Variants in DMD observed in about 807,000 individuals in gnomAD.
The protein encoded by DMD is dystrophin.
A neutral mutation model predicts 330.1 loss-of-function variants in DMD; 63 were observed. The observed-to-expected ratio is 0.19, with a 90% CI of 0.16 to 0.24. The LOEUF is 0.24. DMD is among the 10% of genes least tolerant of loss of function. DMD has a pLI of 1.00. For missense variants in DMD, 3,344 were observed against 2,684.1 expected, an observed-to-expected ratio of 1.25 and a Z score of -5.43; for synonymous variants, 1,223 against 959.8, an observed-to-expected ratio of 1.27 and a Z score of -5.07.
chrX:31,328,446 T>A (rs754264541), intron 61 of DMD, among the ~76,000 whole-genome samples: 2 of 111,119 alleles, frequency 1.8e-5, no homozygotes, highest in East Asian at 5.6e-4. Flanking sequence ...TTTGGGAACA[T>A]TCCTCTCACA....
At chrX:33,025,472 G>GAA (rs35908365) in intron 1 of DMD, among the ~76,000 whole-genome samples, 3,624 of 101,280 alleles carry the variant, frequency 0.036, 132 homozygotes, top group East Asian at 0.23. Context: ...AAAACTGGGG[G>GAA]AAAAAAAAAA....
intron 56 of DMD, among the ~76,000 whole-genome samples, chrX:31,499,489 C>CTTTTTTTTTT (rs774151183): frequency 1.2e-5 from 1 of 83,664 alleles, no homozygotes; most frequent in Non-Finnish European, 2.3e-5. Flanking sequence ...GAATTCAGTT[C>CTTTTTTTTTT]TTTTTTTTTT....
At chrX:32,408,101 T>C (rs113225073) in intron 30 of DMD, among the ~76,000 whole-genome samples, 16,856 of 110,187 alleles carry the variant, frequency 0.15, 1,122 homozygotes, top group African/African-American at 0.24. Context: ...TGTGCACATG[T>C]ACCCTAAAAC....
chrX:32,417,898 T>A (rs768229589), intron 29 of DMD, among the ~76,000 whole-genome samples: 3 of 109,003 alleles, frequency 2.8e-5, no homozygotes, highest in Non-Finnish European at 3.8e-5. Context: ...ATTTGCCTAT[T>A]TTCCTTAACT....
intron 63 of DMD, among the ~76,000 whole-genome samples, chrX:31,238,225 G>C (rs1290775119): frequency 9.0e-6 from 1 of 111,144 alleles, no homozygotes. Flanking sequence ...CTTGTCTTTT[G>C]GATTGCCTCC....
intron 7 of DMD, among the ~76,000 whole-genome samples, chrX:32,764,582 A>T (rs1205815362): frequency 9.0e-6 from 1 of 111,430 alleles, no homozygotes; most frequent in African/African-American, 3.3e-5. Flanking sequence ...CCCTTAGCAT[A>T]TCATCATCAA....
At chrX:32,517,607 C>T (rs115680446) in intron 18 of DMD, 1,691 of 157,282 alleles carry the variant, frequency 0.011, 32 homozygotes, top group African/African-American at 0.049. Flanking sequence ...AGACATAGTC[C>T]TAAGTATGGT....
At chrX:33,282,777 A>G (rs1195168746) in intron 1 of DMD, among the ~76,000 whole-genome samples, 1 of 112,049 alleles carries the variant, frequency 8.9e-6, no homozygotes, top group Non-Finnish European at 1.9e-5. Flanking sequence ...CTCCTATTCA[A>G]TTCAGAGAGG....
At chrX:32,147,671 CAT>C (rs1164052540) in intron 44 of DMD, among the ~76,000 whole-genome samples, 3 of 110,500 alleles carry the variant, frequency 2.7e-5, no homozygotes, top group Non-Finnish European at 3.8e-5. Flanking sequence ...TTTTGTATGT[CAT>C]ATATGTTTGT....
intron 47 of DMD, among the ~76,000 whole-genome samples, chrX:31,922,717 C>T (rs756729288): frequency 6.3e-5 from 7 of 111,234 alleles, no homozygotes; most frequent in Admixed American, 9.5e-5. Context: ...TCTGTGTTGA[C>T]GATTGTTACG....
At chrX:32,608,114 C>A (rs1476265350) in intron 12 of DMD, among the ~76,000 whole-genome samples, 2 of 109,985 alleles carry the variant, frequency 1.8e-5, no homozygotes, top group African/African-American at 6.6e-5. Flanking sequence ...TGAATCAATA[C>A]TCAGTAATTT....
intron 55 of DMD, among the ~76,000 whole-genome samples, chrX:31,605,936 G>A (rs772236761): frequency 1.0e-3 from 111 of 111,504 alleles, no homozygotes; most frequent in African/African-American, 3.5e-3. Flanking sequence ...ACAAAAAACA[G>A]AGTTTTTGGT....
intron 57 of DMD, among the ~76,000 whole-genome samples, chrX:31,485,737 T>A (rs1370811264): frequency 8.9e-6 from 1 of 111,827 alleles, no homozygotes; most frequent in East Asian, 2.8e-4. Context: ...TGGATGTGAG[T>A]AAAAGCCCGT....
intron 60 of DMD, among the ~76,000 whole-genome samples, chrX:31,351,725 C>CAA (rs3061693): frequency 3.8e-5 from 2 of 53,025 alleles, no homozygotes; most frequent in African/African-American, 8.5e-5. Context: ...GACTCCATCT[C>CAA]AAAAAAAAAA....
At chrX:31,255,438 C>T (rs995954353) in intron 63 of DMD, among the ~76,000 whole-genome samples, 5 of 110,922 alleles carry the variant, frequency 4.5e-5, no homozygotes, top group African/African-American at 1.3e-4. Flanking sequence ...TAGGGAGTGA[C>T]GAAGAATGTA....
At chrX:32,066,520 T>C (rs2096261427) in intron 44 of DMD, among the ~76,000 whole-genome samples, 2 of 111,568 alleles carry the variant, frequency 1.8e-5, no homozygotes, top group Admixed American at 9.6e-5. Context: ...CATTAGATGC[T>C]GACATGTTGA....
intron 25 of DMD, among the ~76,000 whole-genome samples, 194 bp from the exon 26 acceptor site, chrX:32,455,026 T>A (rs1423033344): frequency 9.0e-6 from 1 of 111,029 alleles, no homozygotes; most frequent in Non-Finnish European, 1.9e-5. Context: ...ATAAGACATG[T>A]CTGTTTATTT....
chrX:31,273,697 TA>T (rs2051853461), intron 62 of DMD, among the ~76,000 whole-genome samples: 1 of 111,029 alleles, frequency 9.0e-6, no homozygotes, highest in Non-Finnish European at 1.9e-5. Context: ...CTGAGATGAA[TA>T]TCTACAAGAA....
intron 55 of DMD, among the ~76,000 whole-genome samples, chrX:31,554,031 G>A (rs775752691): frequency 5.0e-4 from 56 of 111,973 alleles, no homozygotes; most frequent in African/African-American, 1.7e-3. Context: ...AATTGCCTTC[G>A]CCAACAGCTA....
Sources: allele counts gnomAD v4.1 joint callset (sites outside exome capture counted in the v4.1 genomes callset), GRCh38; gene constraint gnomAD v4.1.1; transcripts MANE v1.5; gene names NCBI Gene and HGNC (gene_info 2026-07-23, HGNC 2026-07-21).